Variants in IPO7 observed in about 807,000 individuals in gnomAD.
IPO7 encodes importin 7, also known as importin-7.
Under a neutral mutation model 136.4 loss-of-function variants are expected in IPO7, and 13 were observed. That is an observed-to-expected ratio of 0.10 (90% CI 0.06 to 0.15). The LOEUF is 0.15. IPO7 is among the 10% of genes least tolerant of loss of function. The pLI is 1.00. For missense variants in IPO7, 857 were observed against 1,240.6 expected, an observed-to-expected ratio of 0.69 and a Z score of 4.65; for synonymous variants, 403 against 404.4, an observed-to-expected ratio of 1.00 and a Z score of 0.04.
intron 1 of IPO7, 42 bp downstream of exon 1, chr11:9,384,889 G>A (rs1238827891): frequency 6.7e-7 from 1 of 1,483,508 alleles, no homozygotes; most frequent in Non-Finnish European, 9.2e-7. Context: ...CAGGCGGGTG[G>A]GCAGAAGTGG....
intron 1 of IPO7, among the ~76,000 whole-genome samples, chr11:9,389,791 G>A (rs531117493): frequency 2.0e-5 from 3 of 148,000 alleles, no homozygotes; most frequent in South Asian, 2.1e-4. Context: ...GTGGAGTTTC[G>A]CTCTTTTTGC....
chr11:9,432,493 G>A lies in IPO7; in HGVS notation c.1882-1077G>A, dbSNP rs991059864. On this transcript the variant is annotated intron_variant, in intron 16 of 24. Coordinates refer to ENST00000379719, the MANE Select transcript of IPO7 (RefSeq NM_006391.3). ...AGAAATTACAGGCGTGAGCCACCAC[G>A]CCAGCCACGTAAACTGTTTTTGTAT... Among the ~76,000 whole-genome samples, 12 of 152,266 alleles carry A rather than the reference G, an allele frequency of 7.9e-5. No homozygotes were observed. The South Asian group carries it at 2.1e-3, about 26-fold the overall frequency.
chr11:9,419,834 A>G (rs1414760096), intron 6 of IPO7, among the ~76,000 whole-genome samples: 2 of 152,026 alleles, frequency 1.3e-5, no homozygotes, highest in Non-Finnish European at 2.9e-5. Flanking sequence ...CCATTATGAA[A>G]TATACTGATT....
At position 9,437,906 on chromosome 11, in the gene IPO7, T is replaced by C. The variant is rs1445161479; in HGVS notation, c.2421T>C (p.Pro807=). 1 of 1,613,994 alleles carries C rather than the reference T, an allele frequency of 6.2e-7. No homozygotes were observed. The highest frequency in any genetic ancestry group is 2.2e-5 in the East Asian group (1 of 44,866). Residue 807 remains proline (P), a synonymous_variant, in exon 21 of 25, where the codon CCT becomes CCC. Transcript: ENST00000379719. Reference sequence around the variant, plus strand: ...ATACCTTAGAAAATCTTCGCTTCCCTAATAATGTTGAACCAGTTACAAATC... The same window carrying C: ...ATACCTTAGAAAATCTTCGCTTCCCCAATAATGTTGAACCAGTTACAAATC... ...LLNTLENLRF[P]NNVEPVTNHF...
At chr11:9,395,726 C>A (rs139681068) in intron 1 of IPO7, among the ~76,000 whole-genome samples, 1 of 151,412 alleles carries the variant, frequency 6.6e-6, no homozygotes, top group Admixed American at 6.6e-5. Context: ...TAAAGTTATG[C>A]TTTTTTTTGA....
rs75385133 is a variant in IPO7 at position 9,418,721 on chromosome 11, C to T, written c.726+1573C>T. On this transcript the variant is annotated intron_variant, in intron 6 of 24. Coordinates refer to ENST00000379719, the MANE Select transcript of IPO7 (RefSeq NM_006391.3). ...GTTGTACAATTTATAATCCGTGCAC[C>T]GATTATAAATAAACAGTTCAGTGAG... Among the ~76,000 whole-genome samples, 495 of 151,974 alleles carry T rather than the reference C, an allele frequency of 3.3e-3. 1 individual carries two copies. The highest frequency in any genetic ancestry group is 5.4e-3 in the Admixed American group (83 of 15,242).
intron 5 of IPO7, 22 bp from the exon 6 acceptor site, chr11:9,417,037 T>C (rs1855051574): frequency 8.8e-7 from 1 of 1,135,666 alleles, no homozygotes; most frequent in South Asian, 1.3e-5. Flanking sequence ...TTTCGAAATA[T>C]TAATTCTTGA....
At chr11:9,442,258 A>G (rs1027640114) in intron 24 of IPO7, 61 bp downstream of exon 24, 3 of 708,960 alleles carry the variant, frequency 4.2e-6, no homozygotes, top group African/African-American at 3.7e-5. Context: ...AAAATTTTAT[A>G]TCGTTTAATT....
rs1228438649 is a variant in IPO7 at position 9,419,565 on chromosome 11, T to A, written c.727-846T>A. Among the ~76,000 whole-genome samples the A allele has an allele frequency of 9.8e-3, 1,312 of 133,234 alleles. 27 individuals carry two copies. Among genetic ancestry groups the A allele is most frequent in the East Asian group, 0.046 (204 of 4,408 alleles). 87.4% of individuals were successfully genotyped at this position (133,234 alleles called of 152,430 possible). A position where few individuals can be genotyped will look rare whatever the true frequency, so the allele number is the denominator to read the frequency against. ...CTGTCTAAAAAAAAAAAAAAATATA[T>A]ATATATATATATATATATATATGTT... On this transcript the variant is annotated intron_variant, in intron 6 of 24. Transcript: ENST00000379719.
In IPO7 at chr11:9,429,012, C is replaced by T. The variant is rs1855254380; in HGVS notation, c.1426-19C>T. The T allele has an allele frequency of 3.7e-6, 6 of 1,605,826 alleles. No individual in the cohort carries two copies. Among genetic ancestry groups the T allele is most frequent in the Non-Finnish European group, 4.3e-6 (5 of 1,172,858 alleles). ...TTAAGGTAAGGTATCTACAGTAACT[C>T]ACTGTGTTTTTACAAAAGGCTTGCT... On this transcript the variant is annotated intron_variant, in intron 13 of 24. Coordinates refer to ENST00000379719, the MANE Select transcript of IPO7 (RefSeq NM_006391.3).
chr11:9,423,170 A>AT, intron 9 of IPO7, 30 bp downstream of exon 9: 1 of 1,425,430 alleles, frequency 7.0e-7, no homozygotes, highest in Non-Finnish European at 9.6e-7. Flanking sequence ...ATGTTTTTAT[A>AT]GTAAATATAA....
At chr11:9,414,922 C>A (rs1037246280) in intron 5 of IPO7, among the ~76,000 whole-genome samples, 2 of 151,790 alleles carry the variant, frequency 1.3e-5, no homozygotes, top group Non-Finnish European at 2.9e-5. Context: ...CCGTGCTTGG[C>A]CCCTAATAAA....
In IPO7 at chr11:9,419,567, T is replaced by A. The variant is rs1271999958; in HGVS notation, c.727-844T>A. ...GTCTAAAAAAAAAAAAAAATATATATATATATATATATATATATATGTTAT... is the reference window on the plus strand; with the variant it reads ...GTCTAAAAAAAAAAAAAAATATATAAATATATATATATATATATATGTTAT... On this transcript the variant is annotated intron_variant, in intron 6 of 24. Transcript: ENST00000379719. Among the ~76,000 whole-genome samples the A allele has an allele frequency of 4.1e-3, 558 of 137,082 alleles. 16 individuals carry two copies. Among genetic ancestry groups the A allele is most frequent in the East Asian group, 0.039 (176 of 4,472 alleles). The allele number at this position is 137,082 out of a possible 152,430, so 89.9% of individuals were successfully genotyped here.
At chr11:9,425,365 G>C in intron 12 of IPO7, 103 bp downstream of exon 12, 2 of 721,884 alleles carry the variant, frequency 2.8e-6, no homozygotes, top group East Asian at 5.1e-5. Context: ...CAGCACTTTC[G>C]GGATGCTGAG....
chr11:9,409,058 T>A (rs1344638205), intron 3 of IPO7, among the ~76,000 whole-genome samples: 1 of 151,768 alleles, frequency 6.6e-6, no homozygotes, highest in Non-Finnish European at 1.5e-5. Context: ...AGGCCTGTTT[T>A]TTTTGTAGCA....
intron 12 of IPO7, among the ~76,000 whole-genome samples, chr11:9,426,302 C>G (rs1012596697): frequency 2.0e-5 from 3 of 152,138 alleles, no homozygotes; most frequent in Non-Finnish European, 4.4e-5. Flanking sequence ...TGACTTCTTT[C>G]ATTTAGTGTA....
chr11:9,429,002 T>C (rs894674448), intron 13 of IPO7, 29 bp from the exon 14 acceptor site: 3 of 1,597,146 alleles, frequency 1.9e-6, no homozygotes, highest in African/African-American at 1.3e-5. Context: ...GTAAGGTATC[T>C]ACAGTAACTC....
chr11:9,409,639 A>T (rs1313337964), intron 3 of IPO7, among the ~76,000 whole-genome samples: 2 of 152,112 alleles, frequency 1.3e-5, no homozygotes, highest in Non-Finnish European at 2.9e-5. Context: ...GGGCCTCCCA[A>T]AGTGTTGGGA....
At chr11:9,427,891 T>G (rs555195716) in intron 12 of IPO7, among the ~76,000 whole-genome samples, 6 of 152,346 alleles carry the variant, frequency 3.9e-5, no homozygotes, top group African/African-American at 1.4e-4. Flanking sequence ...TAAGTTGTCA[T>G]GTCTGATTAT....
Sources: allele counts gnomAD v4.1 joint callset (sites outside exome capture counted in the v4.1 genomes callset), GRCh38; gene constraint gnomAD v4.1.1; transcripts MANE v1.5; gene names NCBI Gene and HGNC (gene_info 2026-07-23, HGNC 2026-07-21).